Variants in CCDC178 observed in about 807,000 individuals in gnomAD.
The protein encoded by CCDC178 is coiled-coil domain containing 178.
Under a neutral mutation model 117.4 loss-of-function variants are expected in CCDC178, and 126 were observed. That is an observed-to-expected ratio of 1.07 (90% confidence interval 0.93 to 1.24). The LOEUF (loss-of-function observed/expected upper bound fraction) is 1.24. CCDC178 is among the 50% of genes most tolerant of loss of function. The probability of loss-of-function intolerance (pLI) is 0.00; values close to 1 mark genes in which losing one functional copy is unlikely to be tolerated. For synonymous variants in CCDC178, 283 were observed against 313.4 expected (o/e 0.90, Z 1.02); for missense variants, 1,030 against 986.9 (o/e 1.04, Z -0.59).
chr18:33,377,364 T>C (rs1358034302), intron 5 of CCDC178, among the ~76,000 whole-genome samples: 4 of 151,922 alleles, frequency 2.6e-5, no homozygotes, highest in Admixed American at 2.0e-4. Context: ...GATGCATAGT[T>C]TGTGAATATT....
chr18:33,017,466 A>G (rs1489069327), intron 21 of CCDC178, among the ~76,000 whole-genome samples: 1 of 151,972 alleles, frequency 6.6e-6, no homozygotes, highest in Non-Finnish European at 1.5e-5. Context: ...AAAGACATCT[A>G]TATGTTCAAA....
chr18:33,291,997 G>C (rs2060171551), intron 12 of CCDC178, among the ~76,000 whole-genome samples: 1 of 146,312 alleles, frequency 6.8e-6, no homozygotes, highest in Non-Finnish European at 1.5e-5. Flanking sequence ...GTGGAGTGGA[G>C]ATCACAGCAG....
chr18:33,339,487 T>G (rs1048229805), intron 9 of CCDC178, among the ~76,000 whole-genome samples: 1 of 150,478 alleles, frequency 6.6e-6, no homozygotes, highest in South Asian at 2.1e-4. Context: ...ATAACTACAA[T>G]AAAATGGACA....
chr18:33,423,270 A>G (rs1033365201), intron 2 of CCDC178, among the ~76,000 whole-genome samples: 2 of 152,170 alleles, frequency 1.3e-5, no homozygotes, highest in African/African-American at 4.8e-5. Flanking sequence ...TCATAATCCA[A>G]TGATTTCAGT....
At chr18:33,209,844 GC>G (rs1285742656) in intron 20 of CCDC178, among the ~76,000 whole-genome samples, 1 of 151,984 alleles carries the variant, frequency 6.6e-6, no homozygotes, top group African/African-American at 2.4e-5. Context: ...ATCCTTAAGT[GC>G]TAGAAAGCAA....
intron 12 of CCDC178, among the ~76,000 whole-genome samples, chr18:33,285,050 T>C (rs1028411126): frequency 6.6e-6 from 1 of 151,860 alleles, no homozygotes; most frequent in African/African-American, 2.4e-5. Context: ...TATTAACACA[T>C]TAAAAGTTTG....
At chr18:32,981,726 A>G (rs1824901215) in intron 21 of CCDC178, among the ~76,000 whole-genome samples, 1 of 152,296 alleles carries the variant, frequency 6.6e-6, no homozygotes, top group South Asian at 2.1e-4. Flanking sequence ...TACCCACTAA[A>G]TGTGATCTTA....
At chr18:33,016,186 C>T (rs1194926880) in intron 21 of CCDC178, among the ~76,000 whole-genome samples, 1 of 151,852 alleles carries the variant, frequency 6.6e-6, no homozygotes, top group African/African-American at 2.4e-5. Flanking sequence ...AGCTGACTTA[C>T]CATTAGAAAT....
intron 14 of CCDC178, among the ~76,000 whole-genome samples, chr18:33,262,653 C>T (rs879536468): frequency 1.6e-4 from 24 of 152,090 alleles, no homozygotes; most frequent in Non-Finnish European, 3.1e-4. Context: ...CACATACACA[C>T]CCAGACACAA....
intron 5 of CCDC178, among the ~76,000 whole-genome samples, chr18:33,371,130 T>C (rs1366587310): frequency 2.0e-5 from 3 of 152,020 alleles, no homozygotes; most frequent in African/African-American, 7.2e-5. Context: ...GTATCTTCAT[T>C]TAAACTGCAA....
intron 20 of CCDC178, among the ~76,000 whole-genome samples, chr18:33,136,610 G>C (rs2058130107): frequency 6.6e-6 from 1 of 152,128 alleles, no homozygotes; most frequent in Admixed American, 6.5e-5. Context: ...GGGGTCATAT[G>C]ATTTGACTGT....
At chr18:33,003,584 G>A (rs1025191950) in intron 21 of CCDC178, among the ~76,000 whole-genome samples, 1 of 152,080 alleles carries the variant, frequency 6.6e-6, no homozygotes, top group Admixed American at 6.5e-5. Context: ...GTATCATACT[G>A]ATGGGGAAAC....
At chr18:33,325,137 A>G (rs1365809438) in intron 10 of CCDC178, among the ~76,000 whole-genome samples, 2 of 151,826 alleles carry the variant, frequency 1.3e-5, no homozygotes, top group Non-Finnish European at 2.9e-5. Context: ...ATTTGTTCCT[A>G]TTATTACAGT....
chr18:33,218,546 T>A (rs1363762222), intron 18 of CCDC178, among the ~76,000 whole-genome samples: 2 of 152,196 alleles, frequency 1.3e-5, no homozygotes, highest in Non-Finnish European at 2.9e-5. Flanking sequence ...TCCTGAATGG[T>A]ATTGCCTAGG....
At chr18:33,206,886 A>G (rs2059050965) in intron 20 of CCDC178, among the ~76,000 whole-genome samples, 1 of 152,194 alleles carries the variant, frequency 6.6e-6, no homozygotes, top group African/African-American at 2.4e-5. Context: ...AAATTGGGAG[A>G]TTCCTACATT....
chr18:33,428,104 C>T (rs1028806365), intron 2 of CCDC178, among the ~76,000 whole-genome samples: 1 of 152,072 alleles, frequency 6.6e-6, no homozygotes, highest in Admixed American at 6.5e-5. Flanking sequence ...TATGACATAG[C>T]TTTTGTTCCT....
intron 21 of CCDC178, among the ~76,000 whole-genome samples, chr18:33,043,784 C>G (rs2056592824): frequency 6.6e-6 from 1 of 151,660 alleles, no homozygotes; most frequent in Non-Finnish European, 1.5e-5. Context: ...GATTTTCTAG[C>G]AATTATATGT....
At chr18:33,112,820 C>G (rs1197636578) in intron 20 of CCDC178, among the ~76,000 whole-genome samples, 1 of 151,824 alleles carries the variant, frequency 6.6e-6, no homozygotes, top group Non-Finnish European at 1.5e-5. Context: ...ATGTCCAAGA[C>G]AAACAGAAGA....
At chr18:33,361,657 C>T (rs1010766223) in intron 6 of CCDC178, among the ~76,000 whole-genome samples, 5 of 151,548 alleles carry the variant, frequency 3.3e-5, no homozygotes, top group East Asian at 3.9e-4. Flanking sequence ...AAGGACATGA[C>T]GTATCTTCAA....
Sources: allele counts gnomAD v4.1 joint callset (sites outside exome capture counted in the v4.1 genomes callset), GRCh38; gene constraint gnomAD v4.1.1; transcripts MANE v1.5; gene names NCBI Gene and HGNC (gene_info 2026-07-23, HGNC 2026-07-21).